A3GALT2: variants seen among roughly 807,000 people sequenced by gnomAD.
The protein encoded by A3GALT2 is alpha-1,3-galactosyltransferase 2.
A neutral mutation model predicts 16.6 loss-of-function variants in A3GALT2; 14 were observed. That is an observed-to-expected ratio of 0.84 (90% confidence interval 0.56 to 1.32). The LOEUF is 1.32. Ranked by LOEUF, A3GALT2 falls within the 40% of genes most tolerant of loss-of-function variation. A3GALT2 has a pLI of 0.00. For synonymous variants in A3GALT2, 253 were observed against 218.0 expected (o/e 1.16, Z -1.42); for missense variants, 600 against 490.9 (o/e 1.22, Z -2.10).
intron 1 of A3GALT2, among the ~76,000 whole-genome samples, chr1:33,317,167 C>A (rs1646265577): frequency 6.6e-6 from 1 of 152,010 alleles, no homozygotes; most frequent in African/African-American, 2.4e-5. Flanking sequence ...GCTTTAGTGT[C>A]CAGCTGAAGG....
chr1:33,319,337 G>T (rs946946639), intron 1 of A3GALT2, among the ~76,000 whole-genome samples: 1 of 152,176 alleles, frequency 6.6e-6, no homozygotes, highest in African/African-American at 2.4e-5. Flanking sequence ...TCAGGGCAGC[G>T]CTCAGCAAGG....
chr1:33,312,985 C>A, intron 1 of A3GALT2, 95 bp from the exon 2 acceptor site: 1 of 1,037,352 alleles, frequency 9.6e-7, no homozygotes, highest in Non-Finnish European at 1.5e-6. Context: ...TTACTTCCAG[C>A]CAGCTGGTTC....
rs72889865 is a variant in A3GALT2, at chr1:33,312,552, G to A, written c.146C>T (p.Ser49Leu). ...GTCTCTCAGCTGGGACATTGTGGCCGAAGGGCAGACGCCCATGGGGATGAG... is the reference window on the plus strand; with the variant it reads ...GTCTCTCAGCTGGGACATTGTGGCCAAAGGGCAGACGCCCATGGGGATGAG... ...EALIPMGVCP[S>L]ATMSQLRDNF... The change falls in exon 3 of 5, where the codon TCG becomes TTG. Residue 49 changes from serine (S) to leucine (L), a missense_variant. Transcript: ENST00000442999. 3.2e-3 allele frequency: 5,094 copies of A among 1,602,554 alleles called. 12 individuals carry two copies. The highest frequency in any genetic ancestry group is 0.01 in the African/African-American group (767 of 74,608).
At chr1:33,318,333 G>A (rs1335889349) in intron 1 of A3GALT2, among the ~76,000 whole-genome samples, 1 of 152,074 alleles carries the variant, frequency 6.6e-6, no homozygotes, top group Non-Finnish European at 1.5e-5. Context: ...CAGCCCATCA[G>A]CAAACCCTGG....
rs760306797 is a variant in A3GALT2, at chr1:33,312,597, T to C, written c.108-7A>G. 3 of 1,574,878 alleles carry C rather than the reference T, an allele frequency of 1.9e-6. No homozygotes were observed. Among genetic ancestry groups the C allele is most frequent in the African/African-American group, 2.7e-5 (2 of 73,462 alleles). ...GATGAGGGCTTCCAGATGCCTGTGG[T>C]GGGTTGAGGGGCGGGGGGCAGGCAG... On this transcript the variant is annotated splice_region_variant and splice_polypyrimidine_tract_variant and intron_variant, in intron 2 of 4. Coordinates refer to ENST00000442999, the MANE Select transcript of A3GALT2 (RefSeq NM_001080438.1).
chr1:33,317,780 C>CT (rs1388647027), intron 1 of A3GALT2, among the ~76,000 whole-genome samples: 4 of 152,302 alleles, frequency 2.6e-5, no homozygotes, highest in East Asian at 3.9e-4. Flanking sequence ...GGATTTTGGA[C>CT]TTTTTTGGAG....
intron 4 of A3GALT2, among the ~76,000 whole-genome samples, chr1:33,311,095 C>T (rs181667077): frequency 6.6e-6 from 1 of 152,296 alleles, no homozygotes; most frequent in East Asian, 1.9e-4. Flanking sequence ...TCACCACCTT[C>T]CCAAAGCAAC....
intron 1 of A3GALT2, among the ~76,000 whole-genome samples, chr1:33,318,380 A>C (rs1570429631): frequency 4.2e-5 from 6 of 143,394 alleles, no homozygotes; most frequent in East Asian, 2.1e-4. Flanking sequence ...CCCCCTACTC[A>C]CTCCTCCCCC....
chr1:33,315,345 G>C (rs1453147728), intron 1 of A3GALT2, among the ~76,000 whole-genome samples: 8 of 146,092 alleles, frequency 5.5e-5, no homozygotes, highest in Non-Finnish European at 8.9e-5. Flanking sequence ...TCACACCACT[G>C]TACTCCAGCC....
chr1:33,306,853 G>A lies in A3GALT2; in HGVS notation c.936C>T (p.Cys312=). 6.6e-7 allele frequency: 1 copy of A among 1,511,756 alleles called. No homozygotes were observed. The allele number at this position is 1,511,756 out of a possible 1,614,324, so 93.6% of individuals were successfully genotyped here. The change falls in exon 5 of 5, where the codon TGC becomes TGT. Residue 312 remains cysteine, a synonymous_variant. Transcript: ENST00000442999. ...KPAKVLSPEF[C]WSPDIGPRAE... is the part of the protein sequence containing the mutation. ...CCCGCGGGCCGATGTCCGGGCTCCA[G>A]CAGAACTCGGGCGACAGCACCTTGG...
rs1325050355 is a variant in A3GALT2, at chr1:33,320,242, C to G, written c.23+834G>C. Among the ~76,000 whole-genome samples, 1 of 152,044 alleles carries G rather than the reference C, an allele frequency of 6.6e-6. No individual in the cohort carries two copies. The highest frequency in any genetic ancestry group is 1.5e-5 in the Non-Finnish European group (1 of 68,038). ...TGGCAAGGCTGCCTCGGGAGGTGCA[C>G]TGTGGGAGGTGTGCGAGGTACTGCG... On this transcript the variant is annotated intron_variant, in intron 1 of 4. Coordinates refer to ENST00000442999, the MANE Select transcript of A3GALT2 (RefSeq NM_001080438.1). The surrounding 1 kb of genome is among the most constrained non-coding windows in gnomAD (Gnocchi z 4.3).
intron 4 of A3GALT2, 145 bp downstream of exon 4, chr1:33,311,907 T>C (rs1646234325): frequency 8.4e-7 from 1 of 1,197,522 alleles, no homozygotes; most frequent in East Asian, 2.6e-5. Context: ...CATCTGGGGG[T>C]GTGGGGCAAG....
rs6686500 is a variant in A3GALT2 at position 33,320,377 on chromosome 1, A to C, written c.23+699T>G. Among the ~76,000 whole-genome samples the C allele has an allele frequency of 0.41, 62,086 of 151,888 alleles. 14,631 individuals carry two copies. Among genetic ancestry groups the C allele is most frequent in the African/African-American group, 0.66 (27,293 of 41,496 alleles). On this transcript the variant is annotated intron_variant, in intron 1 of 4. Transcript: ENST00000442999. The surrounding 1 kb of genome is among the most constrained non-coding windows in gnomAD (Gnocchi z 4.3). ...ACCAGGGTAGGGCAAACCGATGCTT[A>C]TTCTGGGCTCTGGGCCTCAGCCAGG... is the stretch of plus-strand genomic sequence containing the variant.
chr1:33,310,307 G>T (rs930754478), intron 4 of A3GALT2, among the ~76,000 whole-genome samples: 3 of 147,660 alleles, frequency 2.0e-5, no homozygotes, highest in African/African-American at 8.0e-5. Context: ...GAGAGGGAGA[G>T]GGAGAGGGAG....
intron 1 of A3GALT2, among the ~76,000 whole-genome samples, chr1:33,317,747 A>G (rs774817650): frequency 6.6e-6 from 1 of 152,262 alleles, no homozygotes; most frequent in Non-Finnish European, 1.5e-5. Flanking sequence ...CCTTTATCCA[A>G]AAGTTTGGAC....
chr1:33,308,750 G>GTTTTGTTTTTTTTTTTTTT (rs1646216319), intron 4 of A3GALT2, among the ~76,000 whole-genome samples: 3 of 46,130 alleles, frequency 6.5e-5, no homozygotes, highest in African/African-American at 3.7e-4. Flanking sequence ...TGTCAAAGTT[G>GTTTTGTTTTTTTTTTTTTT]TTTTTTTTTT....
chr1:33,321,019 C>T, intron 1 of A3GALT2, 57 bp downstream of exon 1: 2 of 1,608,330 alleles, frequency 1.2e-6, no homozygotes, highest in Non-Finnish European at 1.7e-6. Context: ...GACTGGATCC[C>T]TCTTAGCTCA....
chr1:33,313,154 T>C (rs1251994187), intron 1 of A3GALT2, among the ~76,000 whole-genome samples: 2 of 144,664 alleles, frequency 1.4e-5, no homozygotes, highest in Non-Finnish European at 3.0e-5. Flanking sequence ...GATGCACAAG[T>C]GTTTGTGGCT....
At chr1:33,310,366 G>A (rs539667836) in intron 4 of A3GALT2, among the ~76,000 whole-genome samples, 8 of 152,120 alleles carry the variant, frequency 5.3e-5, no homozygotes, top group East Asian at 1.9e-4. Context: ...GAGGAAGACC[G>A]GGGAGAGGGA....
Sources: gnomAD v4.1 joint callset for allele counts (sites outside exome capture counted in the v4.1 genomes callset) on GRCh38, gnomAD v4.1.1 for gene constraint, Gnocchi (gnomAD v3.1) non-coding constraint, MANE v1.5 for transcripts, NCBI Gene and HGNC (gene_info 2026-07-23, HGNC 2026-07-21) for gene names.